The following PIEZO2 variants were observed in gnomAD, a reference collection of about 807,000 sequenced individuals.
The protein encoded by PIEZO2 is piezo-type mechanosensitive ion channel component 2.
A neutral mutation model predicts 337.3 loss-of-function variants in PIEZO2; 172 were observed. The observed-to-expected ratio is 0.51, with a 90% CI of 0.45 to 0.58. The LOEUF is 0.58. Ranked by LOEUF, PIEZO2 falls within the 20% of genes least tolerant of loss-of-function variation. PIEZO2 has a pLI of 0.00. For synonymous variants in PIEZO2, 1,251 were observed against 1,228.5 expected (o/e 1.02, Z -0.38); for missense variants, 3,028 against 3,391.3 (o/e 0.89, Z 2.66).
rs115528970 is a variant in PIEZO2, at chr18:11,072,434, T to C, written c.65-6212A>G. On this transcript the variant is annotated intron_variant, in intron 1 of 55. Coordinates refer to ENST00000674853, the MANE Select transcript of PIEZO2 (RefSeq NM_001378183.1). ...GAGATTTTTTAATGTTAATCCATGT[T>C]GGACATAAAATTACCTAATTCTGTG... Among the ~76,000 whole-genome samples the C allele has an allele frequency of 2.0e-3, 300 of 152,288 alleles. 1 individual carries two copies. The highest frequency in any genetic ancestry group is 6.4e-3 in the African/African-American group (264 of 41,552).
intron 8 of PIEZO2, among the ~76,000 whole-genome samples, chr18:10,805,755 C>T (rs1342346277): frequency 1.3e-5 from 2 of 152,310 alleles, no homozygotes; most frequent in East Asian, 1.9e-4. Context: ...AAAGATGATC[C>T]ATGAGAACCC....
intron 7 of PIEZO2, among the ~76,000 whole-genome samples, chr18:10,826,787 G>A (rs142444126): frequency 3.3e-5 from 5 of 152,126 alleles, no homozygotes; most frequent in South Asian, 4.1e-4. Flanking sequence ...ATAGTGTTGC[G>A]TATTCACCAC....
At chr18:11,007,474 T>G (rs2035762299) in intron 2 of PIEZO2, among the ~76,000 whole-genome samples, 1 of 152,198 alleles carries the variant, frequency 6.6e-6, no homozygotes, top group African/African-American at 2.4e-5. Flanking sequence ...TCATATGCCT[T>G]TCACTCAGTC....
At position 11,108,387 on chromosome 18, in the gene PIEZO2, G is replaced by C. The variant is rs559672195; in HGVS notation, c.64+40138C>G. 9.0e-3 allele frequency among the ~76,000 whole-genome samples: 1,366 copies of C among 152,046 alleles called. 23 individuals carry two copies. Among genetic ancestry groups the C allele is most frequent in the African/African-American group, 0.031 (1,300 of 41,474 alleles). The stretch of plus-strand genomic sequence containing the variant: ...TCCCAGCACTTTGGGAGGCCGAGGC[G>C]GGCAGATCACGAGGTCAGGAGATCG... On this transcript the variant is annotated intron_variant, in intron 1 of 55. Coordinates refer to ENST00000674853, the MANE Select transcript of PIEZO2 (RefSeq NM_001378183.1).
chr18:10,720,423 A>G (rs1219583316), intron 36 of PIEZO2, among the ~76,000 whole-genome samples: 94 of 1,606 alleles, frequency 0.059, 3 homozygotes, highest in Admixed American at 0.07. Context: ...GTGTATGTAT[A>G]TATATATATA....
chr18:10,784,761 C>G lies in PIEZO2; in HGVS notation c.2492+23G>C. Reference sequence around the variant, plus strand: ...AGCTGCCTTCCTGCTAATAAGAGGTCTGTGTTTCTTCCAGTGGCTCACCTG... The same window carrying G: ...AGCTGCCTTCCTGCTAATAAGAGGTGTGTGTTTCTTCCAGTGGCTCACCTG... On this transcript the variant is annotated intron_variant, in intron 17 of 55. Coordinates refer to ENST00000674853, the MANE Select transcript of PIEZO2 (RefSeq NM_001378183.1). This position sits in a 1 kb window ranked among gnomAD's most constrained non-coding sequence, Gnocchi z 4.5. 6.6e-7 allele frequency: 1 copy of G among 1,511,534 alleles called. No individual in the cohort carries two copies. Among genetic ancestry groups the G allele is most frequent in the Non-Finnish European group, 8.8e-7 (1 of 1,131,208 alleles). 93.6% of individuals were successfully genotyped at this position (1,511,534 alleles called of 1,614,324 possible).
chr18:10,776,459 C>T (rs2038790083), intron 18 of PIEZO2, among the ~76,000 whole-genome samples: 1 of 152,122 alleles, frequency 6.6e-6, no homozygotes, highest in Non-Finnish European at 1.5e-5. Flanking sequence ...TAGAAACATG[C>T]TTTTGTAAGA....
rs1298187894 is a variant in PIEZO2, at chr18:11,001,970, C to T, written c.161-22310G>A. ...GGAAGAAAAAAAGACTTGGAAGGAG[C>T]CAAAACTTGCAGCAAAGTTGGAAAT... On this transcript the variant is annotated intron_variant, in intron 2 of 55. Coordinates refer to ENST00000674853, the MANE Select transcript of PIEZO2 (RefSeq NM_001378183.1). This position sits in a 1 kb window ranked among gnomAD's most constrained non-coding sequence, Gnocchi z 5.3. Among the ~76,000 whole-genome samples, 1 of 147,152 alleles carries T rather than the reference C, an allele frequency of 6.8e-6. No individual in the cohort carries two copies. Among genetic ancestry groups the T allele is most frequent in the South Asian group, 2.1e-4 (1 of 4,702 alleles).
intron 1 of PIEZO2, among the ~76,000 whole-genome samples, chr18:11,133,124 T>C (rs2040385235): frequency 6.6e-6 from 1 of 152,194 alleles, no homozygotes; most frequent in Non-Finnish European, 1.5e-5. Context: ...TATTTCCTCC[T>C]TTTTTTGCTA....
At chr18:10,800,024 A>G (rs2039753643) in intron 11 of PIEZO2, among the ~76,000 whole-genome samples, 1 of 152,020 alleles carries the variant, frequency 6.6e-6, no homozygotes, top group Non-Finnish European at 1.5e-5. Context: ...ACTGACCATA[A>G]TTACAATATC....
At chr18:10,944,310 A>C (rs1170930761) in intron 3 of PIEZO2, among the ~76,000 whole-genome samples, 1 of 151,918 alleles carries the variant, frequency 6.6e-6, no homozygotes, top group African/African-American at 2.4e-5. Context: ...TAAAAACTAA[A>C]AAATAAAAAG....
At chr18:10,893,295 A>G (rs111529148) in intron 4 of PIEZO2, among the ~76,000 whole-genome samples, 50 of 152,338 alleles carry the variant, frequency 3.3e-4, no homozygotes, top group African/African-American at 1.2e-3. Context: ...ACATTTGAAC[A>G]GTGTGCATTT....
chr18:11,145,125 A>T (rs974298390), intron 1 of PIEZO2, among the ~76,000 whole-genome samples: 1 of 152,232 alleles, frequency 6.6e-6, no homozygotes, highest in Non-Finnish European at 1.5e-5. Flanking sequence ...ATTATGTGTA[A>T]GAAAAAAAAT....
chr18:11,145,292 T>G (rs568457217), intron 1 of PIEZO2, among the ~76,000 whole-genome samples: 10 of 152,180 alleles, frequency 6.6e-5, no homozygotes, highest in South Asian at 2.1e-4. Flanking sequence ...ACGAATCACA[T>G]AACATCTGCA....
intron 2 of PIEZO2, among the ~76,000 whole-genome samples, chr18:10,995,420 T>C (rs534896383): frequency 3.9e-5 from 6 of 152,092 alleles, no homozygotes; most frequent in Non-Finnish European, 8.8e-5. Context: ...ACTCTGGGGG[T>C]TGTCTGTTCA....
In PIEZO2 at chr18:10,671,677, A is replaced by C; in HGVS notation, c.8448T>G (p.Asn2816Lys). 6.2e-7 allele frequency: 1 copy of C among 1,614,060 alleles called. No individual in the cohort carries two copies. Among genetic ancestry groups the C allele is most frequent in the Non-Finnish European group, 8.5e-7 (1 of 1,179,984 alleles). Reference protein sequence around the residue: ...SHSIMFEELPNVDRILKLCTD... With the variant: ...SHSIMFEELPKVDRILKLCTD... ...TGCACAACTTCAAAATTCGATCCAC[A>C]TTTGGAAGCTCTTCAAACATGATGG... Residue 2816 changes from asparagine to lysine, a missense_variant, in exon 56 of 56, where the codon AAT becomes AAG. By Grantham distance (94) the Asn-to-Lys change is moderately conservative (BLOSUM62 0). This residue lies in a region of PIEZO2 where 332 missense variants were observed against 363.8 expected (regional missense o/e 0.91). Coordinates refer to ENST00000674853, the MANE Select transcript of PIEZO2 (RefSeq NM_001378183.1).
rs892063346 is a variant in PIEZO2, at chr18:10,944,544, A to C, written c.287-33316T>G. On this transcript the variant is annotated intron_variant, in intron 3 of 55. Coordinates refer to ENST00000674853, the MANE Select transcript of PIEZO2 (RefSeq NM_001378183.1). ...TATATATATATATATATATATATAT[A>C]TCTTAGTAACAGATATATATATATA... Among the ~76,000 whole-genome samples the C allele has an allele frequency of 1.8e-4, 16 of 88,698 alleles. No individual in the cohort carries two copies. The South Asian group carries it at 2.1e-3, about 12-fold the overall frequency. 58.2% of individuals were successfully genotyped at this position (88,698 alleles called of 152,430 possible).
At chr18:10,706,930 T>C (rs1264741371) in intron 40 of PIEZO2, among the ~76,000 whole-genome samples, 1 of 152,188 alleles carries the variant, frequency 6.6e-6, no homozygotes, top group Non-Finnish European at 1.5e-5. Context: ...TACCCATGTT[T>C]CTTGTCACAG....
At chr18:11,072,278 G>A (rs2038370314) in intron 1 of PIEZO2, among the ~76,000 whole-genome samples, 1 of 152,152 alleles carries the variant, frequency 6.6e-6, no homozygotes, top group Non-Finnish European at 1.5e-5. Flanking sequence ...AATGAAAACA[G>A]CTTGATCTAA....
Sources: allele counts gnomAD v4.1 joint callset (sites outside exome capture counted in the v4.1 genomes callset), GRCh38; gene constraint gnomAD v4.1.1; regional missense constraint gnomAD v4.1.1; non-coding constraint Gnocchi (gnomAD v3.1); transcripts MANE v1.5; gene names NCBI Gene and HGNC (gene_info 2026-07-23, HGNC 2026-07-21).